The following DECR1 variants were observed in gnomAD, a reference collection of about 807,000 sequenced individuals.
The protein encoded by DECR1 is 2,4-dienoyl-CoA reductase 1, also known as 2,4-dienoyl-CoA reductase [(3E)-enoyl-CoA-producing], mitochondrial.
Under a neutral mutation model 38.8 loss-of-function variants are expected in DECR1, and 44 were observed. The observed-to-expected ratio is 1.13, with a 90% CI of 0.89 to 1.46. The LOEUF (loss-of-function observed/expected upper bound fraction) is 1.46. DECR1 is among the 40% of genes most tolerant of loss of function. DECR1 has a pLI of 0.00. For missense variants in DECR1, 428 were observed against 405.5 expected, an observed-to-expected ratio of 1.06 and a Z score of -0.48; for synonymous variants, 148 against 135.2, an observed-to-expected ratio of 1.09 and a Z score of -0.66.
intron 2 of DECR1, among the ~76,000 whole-genome samples, chr8:90,018,173 C>G (rs1475594777): frequency 6.6e-6 from 1 of 152,226 alleles, no homozygotes; most frequent in African/African-American, 2.4e-5. Flanking sequence ...CAGGCGTGAG[C>G]CACCGCGCCC....
intron 6 of DECR1, among the ~76,000 whole-genome samples, chr8:90,039,034 G>A (rs1813686229): frequency 6.6e-6 from 1 of 152,122 alleles, no homozygotes; most frequent in Admixed American, 6.5e-5. Flanking sequence ...CTTTTATTGT[G>A]TTCCTGCATA....
Position 90,044,836 on chromosome 8 carries a change from C to T in DECR1, c.739-13C>T, listed in dbSNP as rs748663121. ...AAACCCGACACAACCTAATTGTTTT[C>T]TTAATTTCTAAGGGTGCCTTTAGCC... On this transcript the variant is annotated splice_polypyrimidine_tract_variant and intron_variant, in intron 7 of 9. Transcript: ENST00000220764. 5.3e-4 allele frequency: 847 copies of T among 1,598,980 alleles called. 3 individuals carry two copies. The highest frequency in any genetic ancestry group is 1.1e-3 in the South Asian group (100 of 88,380).
intron 1 of DECR1, among the ~76,000 whole-genome samples, chr8:90,015,090 T>C (rs1812973650): frequency 1.3e-5 from 2 of 152,190 alleles, no homozygotes; most frequent in Admixed American, 6.5e-5. Flanking sequence ...AGTAACTTTT[T>C]TTCTGCTTGT....
At chr8:90,047,184 A>G (rs879187357) in intron 8 of DECR1, among the ~76,000 whole-genome samples, 2 of 152,212 alleles carry the variant, frequency 1.3e-5, no homozygotes, top group Non-Finnish European at 2.9e-5. Context: ...ACATAACAAT[A>G]TTAACCTTAA....
At chr8:90,022,198 A>C (rs553148556) in intron 5 of DECR1, among the ~76,000 whole-genome samples, 1 of 152,116 alleles carries the variant, frequency 6.6e-6, no homozygotes, top group Non-Finnish European at 1.5e-5. Context: ...GAGGGGAGGA[A>C]AGAGGGCATG....
At chr8:90,036,800 CATCTAT>C in intron 5 of DECR1, 35 bp from the exon 6 acceptor site, 1 of 1,284,768 alleles carries the variant, frequency 7.8e-7, no homozygotes, top group South Asian at 1.2e-5. Context: ...TGTAGTGATA[CATCTAT>C]ATTGCTAATC....
intron 6 of DECR1, among the ~76,000 whole-genome samples, chr8:90,038,770 C>T (rs1813680736): frequency 6.6e-6 from 1 of 152,038 alleles, no homozygotes; most frequent in Non-Finnish European, 1.5e-5. Flanking sequence ...TTTTAGTAGT[C>T]CCAGAGCATT....
intron 5 of DECR1, among the ~76,000 whole-genome samples, chr8:90,035,789 G>T (rs1813605277): frequency 6.6e-6 from 1 of 152,020 alleles, no homozygotes; most frequent in Non-Finnish European, 1.5e-5. Flanking sequence ...TTCTTTTGAG[G>T]TGTGTGGTTT....
rs180707599 is a variant in DECR1, at chr8:90,031,088, T to C, written c.566-5753T>C. Among the ~76,000 whole-genome samples the C allele has an allele frequency of 4.9e-4, 75 of 152,212 alleles. No homozygotes were observed. In the East Asian group the frequency reaches 0.014, roughly 27 times the overall value. On this transcript the variant is annotated intron_variant, in intron 5 of 9. Transcript: ENST00000220764. ...GTAGTAGTTACATAGTAGTTAAGAG[T>C]GCAGGCTCTAGAGCTTAACTGCCAA...
At chr8:90,021,102 C>T in intron 5 of DECR1, 46 bp downstream of exon 5, 1 of 1,492,214 alleles carries the variant, frequency 6.7e-7, no homozygotes, top group Non-Finnish European at 9.0e-7. Flanking sequence ...TCTGTGTGTG[C>T]AAGGTTCTGT....
intron 1 of DECR1, among the ~76,000 whole-genome samples, chr8:90,015,160 C>T (rs1394254183): frequency 6.6e-6 from 1 of 151,362 alleles, no homozygotes; most frequent in East Asian, 1.9e-4. Context: ...ATCAAACAAA[C>T]AAACAAAAAA....
chr8:90,034,114 T>G (rs1813560892), intron 5 of DECR1, among the ~76,000 whole-genome samples: 1 of 152,176 alleles, frequency 6.6e-6, no homozygotes, highest in Admixed American at 6.5e-5. Flanking sequence ...ATGGTACTCC[T>G]GCCCCCTCTT....
At chr8:90,003,757 T>C (rs1022811577) in intron 1 of DECR1, among the ~76,000 whole-genome samples, 1 of 152,050 alleles carries the variant, frequency 6.6e-6, no homozygotes, top group African/African-American at 2.4e-5. Context: ...CTGGCCAACA[T>C]GGTGAAACCC....
intron 5 of DECR1, among the ~76,000 whole-genome samples, chr8:90,025,183 T>C (rs1429434740): frequency 6.6e-6 from 1 of 152,226 alleles, no homozygotes; most frequent in Non-Finnish European, 1.5e-5. Context: ...TCTTTTGGCT[T>C]AGGATTGTCT....
Position 90,017,238 on chromosome 8 carries a change from G to T in DECR1, c.184G>T (p.Ala62Ser), listed in dbSNP as rs758392796. The T allele has an allele frequency of 5.6e-6, 9 of 1,614,154 alleles. No individual in the cohort carries two copies. The highest frequency in any genetic ancestry group is 6.8e-6 in the Non-Finnish European group (8 of 1,180,012). ...ACCTAATAGTTTTCAAGGAAAAGTG[G>T]CATTCATTACTGGGGGAGGTACTGG... ...LPPNSFQGKVAFITGGGTGLG... is the reference protein window; with the variant it reads ...LPPNSFQGKVSFITGGGTGLG... The change falls in exon 2 of 10, where the codon GCA becomes TCA. Residue 62 changes from alanine (A) to serine (S), a missense_variant. Physicochemically the swap from Ala to Ser is moderately conservative, Grantham distance 99. Coordinates refer to ENST00000220764, the MANE Select transcript of DECR1 (RefSeq NM_001359.2).
chr8:90,017,073 TG>T, intron 1 of DECR1, 50 bp from the exon 2 acceptor site: 1 of 1,335,904 alleles, frequency 7.5e-7, no homozygotes. Context: ...AAAATTCATC[TG>T]TTTTTTGGAA....
rs1052770030 is a variant in DECR1 at position 90,006,462 on chromosome 8, G to A, written c.69+4901G>A. Among the ~76,000 whole-genome samples the A allele has an allele frequency of 2.0e-5, 3 of 152,358 alleles. No homozygotes were observed. The East Asian group carries it at 5.8e-4, about 29-fold the overall frequency. On this transcript the variant is annotated intron_variant, in intron 1 of 9. Coordinates refer to ENST00000220764, the MANE Select transcript of DECR1 (RefSeq NM_001359.2). ...GAGGCAGGAGGTGAGAGACAGCTTAGTGAGCAGCCTGTTGGCTGCGTTAAA... is the reference window on the plus strand; with the variant it reads ...GAGGCAGGAGGTGAGAGACAGCTTAATGAGCAGCCTGTTGGCTGCGTTAAA...
intron 6 of DECR1, among the ~76,000 whole-genome samples, chr8:90,039,022 T>G (rs1319522517): frequency 2.0e-5 from 3 of 152,222 alleles, no homozygotes; most frequent in African/African-American, 7.2e-5. Flanking sequence ...GATTTGGTGC[T>G]GCTTTTATTG....
chr8:90,016,940 A>G (rs1017222791), intron 1 of DECR1, 184 bp from the exon 2 acceptor site: 13 of 548,766 alleles, frequency 2.4e-5, no homozygotes, highest in African/African-American at 1.7e-4. Flanking sequence ...GTCCAGCTCC[A>G]GAGCCTGTGC....
Sources: gnomAD v4.1 joint callset for allele counts (sites outside exome capture counted in the v4.1 genomes callset) on GRCh38, gnomAD v4.1.1 for gene constraint, MANE v1.5 for transcripts, NCBI Gene and HGNC (gene_info 2026-07-23, HGNC 2026-07-21) for gene names.